Variants in LYRM4 observed in about 807,000 individuals in gnomAD.
LYRM4 encodes LYR motif containing 4, also known as LYR motif-containing protein 4.
A neutral mutation model predicts 11.7 loss-of-function variants in LYRM4; 9 were observed. That is an observed-to-expected ratio of 0.77 (90% CI 0.46 to 1.34). The LOEUF is 1.34. Among genes scored for constraint, LYRM4 ranks in the 40% most tolerant of loss-of-function variants. The pLI, the probability that LYRM4 is intolerant of heterozygous loss-of-function variation, is 0.00. For missense variants in LYRM4, 133 were observed against 112.5 expected (o/e 1.18, Z -0.82); for synonymous variants, 42 against 40.4 (o/e 1.04, Z -0.15).
At chr6:5,031,861 C>A in the LYRM4 span, 1 of 152,028 alleles carries the variant, frequency 6.6e-6, no homozygotes, top group East Asian at 1.9e-4. Flanking sequence ...AGGTAGAGTG[C>A]AAATGACATA....
At chr6:5,058,748 C>T in the LYRM4 span, among the ~76,000 whole-genome samples, 8 of 152,130 alleles carry the variant, frequency 5.3e-5, no homozygotes, top group Admixed American at 6.5e-5. Context: ...GTTTTACAGC[C>T]CTGTGTCTCC....
chr6:5,252,160 A>C (rs954360795), intron 1 of LYRM4, among the ~76,000 whole-genome samples: 1 of 152,206 alleles, frequency 6.6e-6, no homozygotes, highest in African/African-American at 2.4e-5. Context: ...ATAAGGAGGA[A>C]CTGTGAAAAT....
chr6:5,209,768 A>T lies in LYRM4; in HGVS notation c.207+6850T>A, dbSNP rs573321683. On this transcript the variant is annotated intron_variant, in intron 2 of 2. Coordinates refer to ENST00000330636, the MANE Select transcript of LYRM4 (RefSeq NM_020408.6). ...GTAAACGACACAGTGTGTGTTACTT[A>T]TCCAGCAGATGATGTGGAACATAGC... is the stretch of plus-strand genomic sequence containing the variant. 2.0e-5 allele frequency among the ~76,000 whole-genome samples: 3 copies of T among 152,382 alleles called. No individual in the cohort carries two copies. The East Asian group carries it at 5.8e-4, about 29-fold the overall frequency.
intron 1 of LYRM4, among the ~76,000 whole-genome samples, chr6:5,245,116 ATATATATATATATATAT>A (rs1764119542): frequency 2.7e-4 from 4 of 14,720 alleles, no homozygotes; most frequent in Admixed American, 9.7e-4. Flanking sequence ...AAAAAAAAAT[ATATATATATATATATAT>A]ATATATATAT....
chr6:5,166,767 G>A (rs1039660635), intron 2 of LYRM4, among the ~76,000 whole-genome samples: 4 of 152,258 alleles, frequency 2.6e-5, no homozygotes, highest in Non-Finnish European at 1.5e-5. Context: ...TCAAAAGCTC[G>A]CTTGGATGAA....
the LYRM4 span, among the ~76,000 whole-genome samples, chr6:5,036,447 C>T: frequency 4.6e-5 from 7 of 152,162 alleles, no homozygotes; most frequent in Non-Finnish European, 7.3e-5. Context: ...TGAGATGCAA[C>T]ACCAGCTGCC....
At chr6:5,188,111 G>A (rs1417878563) in intron 2 of LYRM4, among the ~76,000 whole-genome samples, 1 of 152,328 alleles carries the variant, frequency 6.6e-6, no homozygotes, top group Middle Eastern at 3.4e-3. Flanking sequence ...CACTTTGGGA[G>A]GCTGAGGTGG....
At chr6:5,099,428 T>TCTAC (rs1554124398), downstream of LYRM4, among the ~76,000 whole-genome samples, 25 of 151,574 alleles carry the variant, frequency 1.6e-4, no homozygotes, top group African/African-American at 5.8e-4. This position sits in a 1 kb window ranked among gnomAD's most constrained non-coding sequence, Gnocchi z 4.3. Context: ...TATCTATCTA[T>TCTAC]ATTTTATAGC....
the LYRM4 span, among the ~76,000 whole-genome samples, chr6:5,050,459 C>T: frequency 6.6e-6 from 1 of 152,246 alleles, no homozygotes; most frequent in African/African-American, 2.4e-5. Flanking sequence ...CTTTTACAAT[C>T]CTCATCTCTT....
chr6:5,142,943 G>A (rs1047377666), intron 2 of LYRM4, among the ~76,000 whole-genome samples: 12 of 152,206 alleles, frequency 7.9e-5, no homozygotes, highest in African/African-American at 2.9e-4. Flanking sequence ...CCGCATCGCG[G>A]GCCGGTCCCC....
At chr6:5,178,677 C>T (rs888450809) in intron 2 of LYRM4, among the ~76,000 whole-genome samples, 1 of 150,724 alleles carries the variant, frequency 6.6e-6, no homozygotes, top group African/African-American at 2.4e-5. Flanking sequence ...GCCGGGCCTG[C>T]ACCTGTAATC....
chr6:5,151,056 G>A (rs962197331), intron 2 of LYRM4, among the ~76,000 whole-genome samples: 6 of 151,196 alleles, frequency 4.0e-5, no homozygotes, highest in Admixed American at 2.6e-4. Context: ...ATCTTCAGGG[G>A]CTCCAAAATG....
chr6:5,216,472 T>C (rs1237603717), intron 2 of LYRM4, 146 bp downstream of exon 2: 1 of 882,812 alleles, frequency 1.1e-6, no homozygotes, highest in East Asian at 2.6e-5. Context: ...AGTTCACCTT[T>C]ACATGTCTGT....
the LYRM4 span, among the ~76,000 whole-genome samples, chr6:5,044,287 C>G: frequency 1.3e-5 from 2 of 151,744 alleles, no homozygotes; most frequent in Non-Finnish European, 2.9e-5. Context: ...CACACCACCA[C>G]GCCTGGTTAA....
At chr6:5,165,750 C>A (rs1759049087) in intron 2 of LYRM4, among the ~76,000 whole-genome samples, 1 of 152,150 alleles carries the variant, frequency 6.6e-6, no homozygotes, top group Non-Finnish European at 1.5e-5. Context: ...ACCGTGGTGG[C>A]TAGAGTGGTC....
chr6:5,245,113 AATATATATATATATATATATATATAT>A lies in LYRM4; in HGVS notation c.86+15509_86+15534del, dbSNP rs1158676783. Among the ~76,000 whole-genome samples, 29 of 24,134 alleles carry A rather than the reference AATATATATATATATATATATATATAT, an allele frequency of 1.2e-3. 2 individuals carry two copies. Among genetic ancestry groups the A allele is most frequent in the East Asian group, 3.6e-3 (2 of 560 alleles). 15.8% of individuals were successfully genotyped at this position (24,134 alleles called of 152,430 possible). A position where few individuals can be genotyped will look rare whatever the true frequency, so the allele number is the denominator to read the frequency against. The stretch of plus-strand genomic sequence containing the variant: ...TTAAAAAAAAAAAAAAAAAAAAAAA[AATATATATATATATATATATATATAT>A]ATATATATATATATATATATATATA... On this transcript the variant is annotated intron_variant, in intron 1 of 2. Coordinates refer to ENST00000330636, the MANE Select transcript of LYRM4 (RefSeq NM_020408.6).
chr6:5,043,700 GTCC>G, the LYRM4 span, among the ~76,000 whole-genome samples: 125 of 152,212 alleles, frequency 8.2e-4, no homozygotes, highest in African/African-American at 2.9e-3. Flanking sequence ...TTCCTCGGGA[GTCC>G]TCCTCCTCCC....
At chr6:5,167,598 T>A (rs1450162309) in intron 2 of LYRM4, among the ~76,000 whole-genome samples, 1 of 152,230 alleles carries the variant, frequency 6.6e-6, no homozygotes, top group Non-Finnish European at 1.5e-5. Context: ...GTCCGATGAA[T>A]GTTCTTACAT....
chr6:5,216,180 A>T (rs1475788925), intron 2 of LYRM4, among the ~76,000 whole-genome samples: 1 of 152,206 alleles, frequency 6.6e-6, no homozygotes, highest in Non-Finnish European at 1.5e-5. Flanking sequence ...CCCATGTGGC[A>T]ACGTAATTCA....
Sources: allele counts gnomAD v4.1 joint callset (sites outside exome capture counted in the v4.1 genomes callset), GRCh38; gene constraint gnomAD v4.1.1; non-coding constraint Gnocchi (gnomAD v3.1); transcripts MANE v1.5; gene names NCBI Gene and HGNC (gene_info 2026-07-23, HGNC 2026-07-21).